Variants in ATXN1 observed in about 807,000 individuals in gnomAD.
ATXN1 encodes the protein ataxin-1.
ATXN1 carries 8 observed loss-of-function variants against 56.4 expected under a neutral mutation model. The observed-to-expected ratio is 0.14, with a 90% CI of 0.08 to 0.26. The LOEUF is 0.26. Among genes scored for constraint, ATXN1 ranks in the 10% least tolerant of loss-of-function variants. The probability of loss-of-function intolerance (pLI) is 1.00; values close to 1 mark genes in which losing one functional copy is unlikely to be tolerated. For missense variants in ATXN1, 987 were observed against 1,106.5 expected, an observed-to-expected ratio of 0.89 and a Z score of 1.53; for synonymous variants, 514 against 494.6, an observed-to-expected ratio of 1.04 and a Z score of -0.52.
chr6:16,684,268 A>G (rs1456160183), intron 2 of ATXN1, among the ~76,000 whole-genome samples: 1 of 152,170 alleles, frequency 6.6e-6, no homozygotes, highest in Non-Finnish European at 1.5e-5. Flanking sequence ...TGGGAGACCA[A>G]GTTCCTTATT....
chr6:16,682,486 C>T (rs773859687), intron 2 of ATXN1, among the ~76,000 whole-genome samples: 8 of 152,036 alleles, frequency 5.3e-5, no homozygotes, highest in Non-Finnish European at 1.0e-4. Context: ...TGTGAGCCAC[C>T]GCGCCTGGCC....
chr6:16,557,872 G>C (rs935659883), intron 4 of ATXN1, among the ~76,000 whole-genome samples: 2 of 152,166 alleles, frequency 1.3e-5, no homozygotes, highest in Non-Finnish European at 2.9e-5. Flanking sequence ...AAAAATATGA[G>C]AAAGAACCTT....
intron 4 of ATXN1, among the ~76,000 whole-genome samples, chr6:16,532,812 G>A (rs1761530735): frequency 6.6e-6 from 1 of 152,136 alleles, no homozygotes; most frequent in South Asian, 2.1e-4. Context: ...TACAGCTGCT[G>A]TGAAAAATAC....
At chr6:16,681,360 C>T (rs898500850) in intron 2 of ATXN1, among the ~76,000 whole-genome samples, 1 of 152,226 alleles carries the variant, frequency 6.6e-6, no homozygotes, top group South Asian at 2.1e-4. Context: ...TGTAGGGTGA[C>T]GCCATGGGGC....
chr6:16,339,719 AT>A (rs1358136071), intron 6 of ATXN1, among the ~76,000 whole-genome samples: 1 of 152,224 alleles, frequency 6.6e-6, no homozygotes, highest in African/African-American at 2.4e-5. Flanking sequence ...CACACAAAAA[AT>A]CCTAATATGA....
At chr6:16,549,147 C>T (rs1427515678) in intron 4 of ATXN1, among the ~76,000 whole-genome samples, 2 of 151,748 alleles carry the variant, frequency 1.3e-5, no homozygotes, top group African/African-American at 2.4e-5. Flanking sequence ...AGTTGGTTTG[C>T]AGTTAACTTT....
intron 4 of ATXN1, among the ~76,000 whole-genome samples, chr6:16,523,313 A>G (rs1761330214): frequency 6.6e-6 from 1 of 152,192 alleles, no homozygotes; most frequent in Admixed American, 6.5e-5. Context: ...CCACTTGCTC[A>G]CGTGCACATG....
chr6:16,404,191 A>G (rs1003273513), intron 6 of ATXN1, among the ~76,000 whole-genome samples: 1 of 152,128 alleles, frequency 6.6e-6, no homozygotes, highest in African/African-American at 2.4e-5. Context: ...TCTTTACCCA[A>G]AAAAGGAGGC....
At chr6:16,711,838 G>A (rs150905121) in intron 2 of ATXN1, among the ~76,000 whole-genome samples, 153 of 152,172 alleles carry the variant, frequency 1.0e-3, no homozygotes, top group Non-Finnish European at 1.9e-3. Context: ...GGCTGATCTC[G>A]AACTTCTAGA....
At chr6:16,581,547 GT>G (rs1483966734) in intron 4 of ATXN1, among the ~76,000 whole-genome samples, 5 of 152,032 alleles carry the variant, frequency 3.3e-5, no homozygotes, top group Admixed American at 2.6e-4. Flanking sequence ...AGGGAGGAAG[GT>G]AAGAAGAACC....
chr6:16,463,866 C>T (rs1760047999), intron 6 of ATXN1, among the ~76,000 whole-genome samples: 2 of 152,168 alleles, frequency 1.3e-5, no homozygotes, highest in South Asian at 2.1e-4. Flanking sequence ...TTTGTTTCCT[C>T]CAGGATCGAT....
chr6:16,588,886 G>A (rs1163014690), intron 3 of ATXN1, among the ~76,000 whole-genome samples: 2 of 152,110 alleles, frequency 1.3e-5, no homozygotes, highest in Admixed American at 1.3e-4. Context: ...TCTGTAAATC[G>A]TTTTCCAGCA....
At chr6:16,361,193 G>C (rs1581713613) in intron 6 of ATXN1, among the ~76,000 whole-genome samples, 1 of 152,152 alleles carries the variant, frequency 6.6e-6, no homozygotes, top group Non-Finnish European at 1.5e-5. Context: ...TCTATATATA[G>C]AGACATTAAA....
chr6:16,677,095 A>G (rs1758679133), intron 2 of ATXN1, among the ~76,000 whole-genome samples: 1 of 151,932 alleles, frequency 6.6e-6, no homozygotes. Flanking sequence ...AAATGTAAAA[A>G]GGAACAAGAG....
intron 3 of ATXN1, among the ~76,000 whole-genome samples, chr6:16,651,545 A>AAC (rs1047477520): frequency 8.0e-5 from 12 of 150,054 alleles, no homozygotes; most frequent in Non-Finnish European, 3.0e-5. Flanking sequence ...CTCTGTCTCA[A>AAC]AAAAAAAAAA....
intron 3 of ATXN1, among the ~76,000 whole-genome samples, chr6:16,629,498 T>C (rs1763467131): frequency 1.3e-5 from 2 of 152,154 alleles, no homozygotes; most frequent in Non-Finnish European, 2.9e-5. Context: ...AGCTAATTGT[T>C]TTTGTATTTT....
intron 1 of ATXN1, among the ~76,000 whole-genome samples, chr6:16,753,780 A>G (rs941022781): frequency 4.6e-5 from 7 of 152,216 alleles, no homozygotes; most frequent in Non-Finnish European, 7.3e-5. Flanking sequence ...GCAACTTGAA[A>G]CACAATGATG....
intron 2 of ATXN1, among the ~76,000 whole-genome samples, chr6:16,710,988 T>A (rs1205408702): frequency 6.6e-6 from 1 of 152,164 alleles, no homozygotes; most frequent in South Asian, 2.1e-4. Context: ...GCCCAAGCGA[T>A]CCTCCCACCT....
chr6:16,535,001 A>T (rs565447095), intron 4 of ATXN1, among the ~76,000 whole-genome samples: 7 of 152,352 alleles, frequency 4.6e-5, no homozygotes, highest in African/African-American at 7.2e-5. Context: ...CACAGCACCA[A>T]GTCTGACTTG....
Sources: gnomAD v4.1 joint callset for allele counts (sites outside exome capture counted in the v4.1 genomes callset) on GRCh38, gnomAD v4.1.1 for gene constraint, MANE v1.5 for transcripts, NCBI Gene and HGNC (gene_info 2026-07-23, HGNC 2026-07-21) for gene names.